The following LINGO2 variants were observed in gnomAD, a reference collection of about 807,000 sequenced individuals.
LINGO2 encodes the protein leucine-rich repeat and immunoglobulin-like domain-containing nogo receptor-interacting protein 2.
Under a neutral mutation model 30.6 loss-of-function variants are expected in LINGO2, and 14 were observed. That is an observed-to-expected ratio of 0.46 (90% confidence interval 0.30 to 0.72). The LOEUF (loss-of-function observed/expected upper bound fraction) is 0.72. LINGO2 is among the 30% of genes least tolerant of loss of function. The probability of loss-of-function intolerance (pLI) is 0.07; values close to 1 mark genes in which losing one functional copy is unlikely to be tolerated. For synonymous variants in LINGO2, 317 were observed against 288.5 expected, an observed-to-expected ratio of 1.10 and a Z score of -1.00; for missense variants, 729 against 751.7, an observed-to-expected ratio of 0.97 and a Z score of 0.35.
chr9:28,855,687 C>A, the LINGO2 span, among the ~76,000 whole-genome samples: 2 of 151,930 alleles, frequency 1.3e-5, no homozygotes, highest in South Asian at 4.2e-4. Flanking sequence ...ACAAGCAATT[C>A]CTTTAAATTT....
chr9:29,003,204 T>A, the LINGO2 span, among the ~76,000 whole-genome samples: 1 of 152,004 alleles, frequency 6.6e-6, no homozygotes, highest in Non-Finnish European at 1.5e-5. Context: ...TCCAGAACTG[T>A]GCAATAACAA....
At chr9:28,695,835 A>G in the LINGO2 span, among the ~76,000 whole-genome samples, 1 of 151,854 alleles carries the variant, frequency 6.6e-6, no homozygotes, top group Non-Finnish European at 1.5e-5. Flanking sequence ...AATTAAAAAC[A>G]AAGATAAAAG....
At chr9:28,043,732 A>ATCC (rs1417814986) in intron 4 of LINGO2, among the ~76,000 whole-genome samples, 9 of 152,104 alleles carry the variant, frequency 5.9e-5, no homozygotes. Context: ...TCCCCACCCA[A>ATCC]TCCTCCACCT....
At chr9:28,073,856 C>T (rs970503144) in intron 4 of LINGO2, among the ~76,000 whole-genome samples, 1 of 152,102 alleles carries the variant, frequency 6.6e-6, no homozygotes, top group African/African-American at 2.4e-5. Flanking sequence ...AGCCACACCA[C>T]TCTCTCTACA....
intron 1 of LINGO2, among the ~76,000 whole-genome samples, chr9:28,605,376 T>C (rs1347850143): frequency 1.3e-5 from 2 of 151,952 alleles, no homozygotes; most frequent in African/African-American, 4.8e-5. Flanking sequence ...CTACACTGTA[T>C]AGCCTCCATC....
At chr9:28,053,439 G>A (rs984568511) in intron 4 of LINGO2, among the ~76,000 whole-genome samples, 2 of 152,024 alleles carry the variant, frequency 1.3e-5, no homozygotes, top group African/African-American at 4.8e-5. Flanking sequence ...ACTCTTAATT[G>A]TATACGAATA....
At chr9:28,064,720 C>G (rs1321509356) in intron 4 of LINGO2, among the ~76,000 whole-genome samples, 2 of 152,068 alleles carry the variant, frequency 1.3e-5, no homozygotes, top group Non-Finnish European at 2.9e-5. Flanking sequence ...TTGAAGTAAA[C>G]AGTTCCAGGC....
At chr9:28,506,411 TATATATATATACACAC>T (rs1339356001) in intron 1 of LINGO2, among the ~76,000 whole-genome samples, 29 of 7,314 alleles carry the variant, frequency 4.0e-3, no homozygotes, top group African/African-American at 5.7e-3. Context: ...TATATATATA[TATATATATATACACAC>T]ACACACACAC....
At chr9:28,732,338 G>A in the LINGO2 span, among the ~76,000 whole-genome samples, 1 of 150,952 alleles carries the variant, frequency 6.6e-6, no homozygotes, top group African/African-American at 2.5e-5. Flanking sequence ...CATACAACAG[G>A]GGTTCACATT....
chr9:28,911,593 T>C, the LINGO2 span, among the ~76,000 whole-genome samples: 44 of 152,120 alleles, frequency 2.9e-4, no homozygotes, highest in Non-Finnish European at 5.4e-4. Context: ...AGCAATAATA[T>C]GAAAGTGCCT....
the LINGO2 span, among the ~76,000 whole-genome samples, chr9:28,688,372 G>C: frequency 6.6e-6 from 1 of 152,256 alleles, no homozygotes; most frequent in East Asian, 1.9e-4. Context: ...AGCTTCACAA[G>C]TTTGGAATAA....
chr9:28,286,151 T>C (rs1488400912), intron 4 of LINGO2, among the ~76,000 whole-genome samples: 2 of 152,192 alleles, frequency 1.3e-5, no homozygotes, highest in African/African-American at 2.4e-5. Flanking sequence ...AACGGCACTT[T>C]AGTTAACCAT....
chr9:28,284,030 T>C (rs1161979249), intron 4 of LINGO2, among the ~76,000 whole-genome samples: 2 of 152,146 alleles, frequency 1.3e-5, no homozygotes, highest in Non-Finnish European at 2.9e-5. Flanking sequence ...TTCAAACCTC[T>C]TGCAAATATT....
chr9:28,606,489 G>A (rs1825699376), intron 1 of LINGO2, among the ~76,000 whole-genome samples: 1 of 151,900 alleles, frequency 6.6e-6, no homozygotes, highest in Non-Finnish European at 1.5e-5. Context: ...ATCAATACAA[G>A]CTATTTTACA....
chr9:28,767,502 T>A, the LINGO2 span, among the ~76,000 whole-genome samples: 18 of 152,170 alleles, frequency 1.2e-4, no homozygotes, highest in African/African-American at 3.6e-4. Flanking sequence ...AGTTTATGCC[T>A]GGGCCAGGCA....
At chr9:28,402,511 C>T (rs1279588868) in intron 2 of LINGO2, among the ~76,000 whole-genome samples, 1 of 152,064 alleles carries the variant, frequency 6.6e-6, no homozygotes, top group Non-Finnish European at 1.5e-5. Context: ...CATGAAGAAT[C>T]TTTCCAGCAG....
At chr9:28,027,076 T>C (rs1823414984) in intron 4 of LINGO2, among the ~76,000 whole-genome samples, 1 of 152,234 alleles carries the variant, frequency 6.6e-6, no homozygotes, top group Admixed American at 6.5e-5. Flanking sequence ...TGACCTGTTG[T>C]TGTTGCATCA....
chr9:28,638,254 C>T (rs144760263), intron 1 of LINGO2, among the ~76,000 whole-genome samples: 3,219 of 152,260 alleles, frequency 0.021, 115 homozygotes, highest in African/African-American at 0.072. Context: ...CATCGATGTT[C>T]ATCAGGGATA....
intron 4 of LINGO2, among the ~76,000 whole-genome samples, chr9:28,149,512 A>C (rs535188323): frequency 7.2e-6 from 1 of 139,620 alleles, no homozygotes; most frequent in Non-Finnish European, 1.6e-5. Flanking sequence ...CAGCCGCCTC[A>C]CAGTCTGGGA....
Sources: gnomAD v4.1 joint callset for allele counts (sites outside exome capture counted in the v4.1 genomes callset) on GRCh38, gnomAD v4.1.1 for gene constraint, MANE v1.5 for transcripts, NCBI Gene and HGNC (gene_info 2026-07-23, HGNC 2026-07-21) for gene names.